Variants in KIF13B observed in about 807,000 individuals in gnomAD.
KIF13B encodes kinesin family member 13B.
KIF13B carries 127 observed loss-of-function variants against 222.0 expected under a neutral mutation model. The observed-to-expected ratio is 0.57, with a 90% CI of 0.50 to 0.66. The LOEUF is 0.66. KIF13B is among the 30% of genes least tolerant of loss of function. KIF13B has a pLI of 0.00. For synonymous variants in KIF13B, 976 were observed against 919.0 expected (o/e 1.06, Z -1.12); for missense variants, 2,173 against 2,379.0 (o/e 0.91, Z 1.80).
At chr8:29,241,852 TA>T (rs1252852899) in intron 2 of KIF13B, among the ~76,000 whole-genome samples, 2 of 151,902 alleles carry the variant, frequency 1.3e-5, no homozygotes, top group Admixed American at 6.6e-5. Context: ...TGAGACAAAA[TA>T]TTTTTTTTAA....
Position 29,173,997 on chromosome 8 carries a change from A to T in KIF13B, c.945+2071T>A, listed in dbSNP as rs896477710. 2.0e-5 allele frequency among the ~76,000 whole-genome samples: 3 copies of T among 152,000 alleles called. No individual in the cohort carries two copies. In the East Asian group the frequency reaches 5.8e-4, roughly 29 times the overall value. On this transcript the variant is annotated intron_variant, in intron 10 of 39. Transcript: ENST00000524189. ...GAAACGATTTAAAAAAAAATTTTTT[A>T]AATACATATGTTTAAGGTATAGAGC...
intron 1 of KIF13B, among the ~76,000 whole-genome samples, chr8:29,251,622 G>C (rs1479747323): frequency 1.3e-5 from 2 of 152,148 alleles, no homozygotes; most frequent in Non-Finnish European, 2.9e-5. Context: ...AAATGAGAAA[G>C]AGGAGTTGTT....
At chr8:29,123,697 G>A (rs966467143) in intron 27 of KIF13B, among the ~76,000 whole-genome samples, 7 of 152,218 alleles carry the variant, frequency 4.6e-5, no homozygotes, top group Admixed American at 2.0e-4. Context: ...CAGAGGGACC[G>A]CACAGGAGTG....
intron 9 of KIF13B, among the ~76,000 whole-genome samples, chr8:29,176,700 T>G (rs535946272): frequency 6.6e-6 from 1 of 152,174 alleles, no homozygotes; most frequent in Admixed American, 6.5e-5. Context: ...AACAAAATAT[T>G]ACTTCGTATT....
intron 11 of KIF13B, among the ~76,000 whole-genome samples, 184 bp from the exon 12 acceptor site, chr8:29,165,956 G>A (rs1315831235): frequency 4.4e-5 from 2 of 45,850 alleles, no homozygotes; most frequent in Admixed American, 4.0e-4. Flanking sequence ...AACTCATTGA[G>A]TTATCCAAAA....
intron 2 of KIF13B, among the ~76,000 whole-genome samples, chr8:29,204,437 G>A (rs1020118557): frequency 1.3e-5 from 2 of 152,158 alleles, no homozygotes; most frequent in Non-Finnish European, 2.9e-5. Context: ...ATCTAGCCAG[G>A]TACAGTGGTG....
At chr8:29,152,438 G>A (rs2130037102) in intron 14 of KIF13B, among the ~76,000 whole-genome samples, 1 of 152,198 alleles carries the variant, frequency 6.6e-6, no homozygotes, top group Middle Eastern at 3.4e-3. Flanking sequence ...AATCAATGTG[G>A]CAAATTTCAC....
chr8:29,240,876 C>T (rs1469233266), intron 2 of KIF13B, among the ~76,000 whole-genome samples: 1 of 152,110 alleles, frequency 6.6e-6, no homozygotes, highest in Non-Finnish European at 1.5e-5. Context: ...TAAAACGGTG[C>T]GGCAGCTTTG....
intron 37 of KIF13B, among the ~76,000 whole-genome samples, chr8:29,086,280 G>C (rs1409158013): frequency 6.6e-6 from 1 of 152,190 alleles, no homozygotes; most frequent in East Asian, 1.9e-4. Flanking sequence ...ACTGTTCAGA[G>C]AAGTTTTAAG....
Position 29,070,622 on chromosome 8 carries a change from G to T in KIF13B, c.5363C>A (p.Ala1788Asp), listed in dbSNP as rs945270217. The change falls in exon 40 of 40, where the codon GCC becomes GAC. Residue 1788 changes from alanine (A) to aspartate (D), a missense_variant. By Grantham distance (126) the Ala-to-Asp change is moderately radical (BLOSUM62 -2). This residue lies in a region of KIF13B where 693 missense variants were observed against 656.2 expected (regional missense o/e 1.06). Transcript: ENST00000524189. The surrounding 1 kb of genome is among the most constrained non-coding windows in gnomAD (Gnocchi z 4.1). ...GCCCGAGAGGGTGGCGCTCCGGCGG[G>T]CCTCGGGGGCACCCAGCCGGAGTCC... Reference protein sequence around the residue: ...STGLRLGAPEARRSATLSGSA... With the variant: ...STGLRLGAPEDRRSATLSGSA... 8.2e-6 allele frequency: 13 copies of T among 1,576,362 alleles called. No homozygotes were observed. Among genetic ancestry groups the T allele is most frequent in the East Asian group, 2.3e-5 (1 of 42,718 alleles).
intron 1 of KIF13B, among the ~76,000 whole-genome samples, chr8:29,260,636 GAC>G (rs1816645791): frequency 1.3e-5 from 2 of 149,158 alleles, no homozygotes; most frequent in African/African-American, 4.9e-5. Flanking sequence ...TTTTTTTTGA[GAC>G]AGAGTTTCAC....
intron 2 of KIF13B, among the ~76,000 whole-genome samples, chr8:29,232,816 C>A (rs1427040377): frequency 6.6e-6 from 1 of 152,158 alleles, no homozygotes; most frequent in African/African-American, 2.4e-5. Flanking sequence ...CTCCATAGCA[C>A]CCATACCACT....
At chr8:29,098,561 C>A (rs1018284782) in intron 36 of KIF13B, among the ~76,000 whole-genome samples, 10 of 148,054 alleles carry the variant, frequency 6.8e-5, no homozygotes, top group African/African-American at 2.5e-4. Context: ...CGAGATTGCA[C>A]TACTGGACTC....
chr8:29,162,967 A>G (rs1247725003), intron 12 of KIF13B, among the ~76,000 whole-genome samples: 1 of 152,224 alleles, frequency 6.6e-6, no homozygotes, highest in African/African-American at 2.4e-5. Context: ...ACATAAACAA[A>G]TGAGCACAGC....
rs376491521 is a variant in KIF13B at position 29,123,503 on chromosome 8, G to A, written c.3353-11C>T. ...CATCCTCTGTTTTATCTAGAACATC[G>A]AGAATGAGGATTCAATGACAAAACT... On this transcript the variant is annotated splice_polypyrimidine_tract_variant and intron_variant, in intron 27 of 39. Transcript: ENST00000524189. 8.7e-6 allele frequency: 14 copies of A among 1,613,514 alleles called. No homozygotes were observed. Among genetic ancestry groups the A allele is most frequent in the South Asian group, 1.1e-5 (1 of 91,074 alleles).
At chr8:29,105,056 T>C (rs745544106) in intron 35 of KIF13B, among the ~76,000 whole-genome samples, 1 of 151,908 alleles carries the variant, frequency 6.6e-6, no homozygotes, top group Admixed American at 6.6e-5. Flanking sequence ...GGCCTCAAAC[T>C]CCCGGGCTCA....
chr8:29,190,503 G>GT (rs764731065), intron 4 of KIF13B: 85 of 160,514 alleles, frequency 5.3e-4, no homozygotes, highest in Non-Finnish European at 9.4e-4. Flanking sequence ...CTCACCCTCT[G>GT]TATCTCTTCA....
At chr8:29,106,813 T>C (rs534592670) in intron 35 of KIF13B, among the ~76,000 whole-genome samples, 45 of 152,264 alleles carry the variant, frequency 3.0e-4, no homozygotes, top group African/African-American at 9.4e-4. Context: ...GCAGCCAATC[T>C]TCTGTCTCTG....
chr8:29,261,408 T>G (rs1251713635), intron 1 of KIF13B, among the ~76,000 whole-genome samples: 1 of 152,194 alleles, frequency 6.6e-6, no homozygotes, highest in Admixed American at 6.5e-5. Flanking sequence ...CTGAGATGTC[T>G]TTTGTGGTGG....
Sources: allele counts gnomAD v4.1 joint callset (sites outside exome capture counted in the v4.1 genomes callset), GRCh38; gene constraint gnomAD v4.1.1; regional missense constraint gnomAD v4.1.1; non-coding constraint Gnocchi (gnomAD v3.1); transcripts MANE v1.5; gene names NCBI Gene and HGNC (gene_info 2026-07-23, HGNC 2026-07-21).